SLCO1A2: variants seen among roughly 807,000 people sequenced by gnomAD.
The protein encoded by SLCO1A2 is solute carrier organic anion transporter family member 1A2.
Under a neutral mutation model 69.0 loss-of-function variants are expected in SLCO1A2, and 67 were observed. The observed-to-expected ratio is 0.97, with a 90% CI of 0.80 to 1.19. The LOEUF (loss-of-function observed/expected upper bound fraction) is 1.19, where lower values mean the gene tolerates loss of function less well. Ranked by LOEUF, SLCO1A2 falls within the 50% of genes most tolerant of loss-of-function variation. The pLI, the probability that SLCO1A2 is intolerant of heterozygous loss-of-function variation, is 0.00. For missense variants in SLCO1A2, 787 were observed against 793.7 expected, an observed-to-expected ratio of 0.99 and a Z score of 0.10; for synonymous variants, 260 against 265.9, an observed-to-expected ratio of 0.98 and a Z score of 0.22.
chr12:21,395,261 CG>C (rs1416478943), exon 1 of SLCO1A2: 1 of 152,586 alleles, frequency 6.6e-6, no homozygotes, highest in African/African-American at 2.4e-5. Context: ...AAAGGGGTGA[CG>C]GACGCACCTG....
At chr12:21,310,775 T>A (rs1319455053) in intron 4 of SLCO1A2, among the ~76,000 whole-genome samples, 1 of 152,184 alleles carries the variant, frequency 6.6e-6, no homozygotes, top group African/African-American at 2.4e-5. Flanking sequence ...GCTCATTTTT[T>A]TGTGTTTTTA....
intron 2 of SLCO1A2, among the ~76,000 whole-genome samples, chr12:21,363,579 A>G (rs1207320172): frequency 6.6e-6 from 1 of 152,220 alleles, no homozygotes; most frequent in Non-Finnish European, 1.5e-5. Context: ...GACACAAAAA[A>G]ACCCTTCAAA....
intron 12 of SLCO1A2, among the ~76,000 whole-genome samples, chr12:21,284,823 A>G (rs1483278135): frequency 1.1e-3 from 87 of 80,914 alleles, no homozygotes; most frequent in African/African-American, 4.7e-3. Flanking sequence ...ACAAAGACAC[A>G]ACATACCAGA....
At chr12:21,384,213 GA>G (rs1004727448) in intron 1 of SLCO1A2, among the ~76,000 whole-genome samples, 3 of 151,372 alleles carry the variant, frequency 2.0e-5, no homozygotes, top group African/African-American at 7.3e-5. Flanking sequence ...AGACAGAGAA[GA>G]AAAAAAAGTC....
chr12:21,358,612 T>C, intron 2 of SLCO1A2, among the ~76,000 whole-genome samples: 1 of 152,280 alleles, frequency 6.6e-6, no homozygotes, highest in Admixed American at 6.5e-5. Context: ...ATTTTATCAC[T>C]AGTTAATACT....
At chr12:21,419,180 G>A (rs972156231), upstream of SLCO1A2, 1 of 152,662 alleles carries the variant, frequency 6.6e-6, no homozygotes, top group African/African-American at 2.4e-5. Context: ...AGCTTACTTG[G>A]ACAGGAAATT....
chr12:21,344,462 C>T (rs1239357695), intron 2 of SLCO1A2, among the ~76,000 whole-genome samples: 1 of 152,034 alleles, frequency 6.6e-6, no homozygotes, highest in Non-Finnish European at 1.5e-5. Flanking sequence ...TAAATTACCC[C>T]TTCTTACTTT....
upstream of SLCO1A2, among the ~76,000 whole-genome samples, chr12:21,396,390 G>C (rs553420934): frequency 5.4e-5 from 8 of 149,256 alleles, no homozygotes; most frequent in East Asian, 1.6e-3. Context: ...CCAAATCTAC[G>C]TCTGATTGGT....
chr12:21,384,624 A>C (rs1940772843), intron 1 of SLCO1A2, among the ~76,000 whole-genome samples: 1 of 152,200 alleles, frequency 6.6e-6, no homozygotes, highest in African/African-American at 2.4e-5. Flanking sequence ...AAAATACTAA[A>C]AAGATATAAT....
intron 1 of SLCO1A2, among the ~76,000 whole-genome samples, chr12:21,413,237 C>CTTTTTCTTTT (rs772542069): frequency 4.9e-4 from 49 of 99,468 alleles, no homozygotes; most frequent in African/African-American, 1.9e-3. Flanking sequence ...TTTTCTTTTT[C>CTTTTTCTTTT]TTTTTTTTTT....
chr12:21,270,810 A>T (rs969617356), intron 14 of SLCO1A2, among the ~76,000 whole-genome samples: 1 of 149,206 alleles, frequency 6.7e-6, no homozygotes, highest in African/African-American at 2.5e-5. Context: ...CTGTACTTAT[A>T]TTAGCTTTTT....
chr12:21,349,261 G>A (rs1937739599), intron 2 of SLCO1A2, among the ~76,000 whole-genome samples: 1 of 152,034 alleles, frequency 6.6e-6, no homozygotes, highest in Admixed American at 6.6e-5. Context: ...AATAAGAGAA[G>A]AGAACAGGAA....
intron 1 of SLCO1A2, among the ~76,000 whole-genome samples, chr12:21,415,147 T>C (rs571423410): frequency 4.4e-4 from 67 of 152,204 alleles, no homozygotes; most frequent in African/African-American, 1.6e-3. Context: ...AGACCTGCTG[T>C]TATTATCTTA....
intron 12 of SLCO1A2, among the ~76,000 whole-genome samples, chr12:21,284,293 C>T (rs11045932): frequency 0.34 from 52,284 of 152,004 alleles, 9,606 homozygotes; most frequent in African/African-American, 0.48. Flanking sequence ...AGCTCCGGTC[C>T]ACAGCTCCCA....
intron 2 of SLCO1A2, among the ~76,000 whole-genome samples, chr12:21,340,806 A>G (rs11830638): frequency 0.15 from 22,333 of 151,948 alleles, 2,022 homozygotes; most frequent in African/African-American, 0.25. Context: ...GGTATTTACT[A>G]AGCACTTTCA....
chr12:21,282,421 G>A (rs1396165268), intron 12 of SLCO1A2, among the ~76,000 whole-genome samples: 3 of 151,878 alleles, frequency 2.0e-5, no homozygotes, highest in Non-Finnish European at 4.4e-5. Context: ...AAAAAACTGG[G>A]TATAAAAGGA....
chr12:21,321,298 G>A (rs1405411847), intron 2 of SLCO1A2, among the ~76,000 whole-genome samples: 14 of 151,994 alleles, frequency 9.2e-5, no homozygotes, highest in Admixed American at 9.2e-4. Flanking sequence ...GCTGTCTTTA[G>A]GAAGTTCATG....
intron 6 of SLCO1A2, among the ~76,000 whole-genome samples, chr12:21,302,628 G>A (rs752797471): frequency 1.3e-5 from 2 of 150,538 alleles, no homozygotes; most frequent in African/African-American, 2.4e-5. Context: ...TCCACCTCCC[G>A]GGTTCAAGTG....
chr12:21,385,563 CTG>C (rs1940836131), intron 1 of SLCO1A2, among the ~76,000 whole-genome samples: 1 of 152,158 alleles, frequency 6.6e-6, no homozygotes, highest in South Asian at 2.1e-4. Context: ...TAGGGGTAAA[CTG>C]TGAGGAAAGC....
Sources: allele counts gnomAD v4.1 joint callset (sites outside exome capture counted in the v4.1 genomes callset), GRCh38; gene constraint gnomAD v4.1.1; transcripts MANE v1.5; gene names NCBI Gene and HGNC (gene_info 2026-07-23, HGNC 2026-07-21).